Variants in NELL1 observed in about 807,000 individuals in gnomAD.
The protein encoded by NELL1 is neural EGFL like 1, also known as protein kinase C-binding protein NELL1.
In NELL1, 76 loss-of-function variants were observed where a neutral mutation model predicts 107.4. The observed-to-expected ratio is 0.71, with a 90% CI of 0.59 to 0.86. The LOEUF is 0.86. Among genes scored for constraint, NELL1 ranks in the 40% least tolerant of loss-of-function variants. The pLI is 0.00. For missense variants in NELL1, 1,024 were observed against 1,005.5 expected (o/e 1.02, Z -0.25); for synonymous variants, 353 against 341.2 (o/e 1.03, Z -0.38).
chr11:21,098,506 T>C (rs1311857019), intron 12 of NELL1, among the ~76,000 whole-genome samples: 1 of 152,048 alleles, frequency 6.6e-6, no homozygotes, highest in African/African-American at 2.4e-5. Flanking sequence ...GTAAACACTC[T>C]CACCCTCAGA....
intron 15 of NELL1, among the ~76,000 whole-genome samples, chr11:21,457,533 C>T (rs1374173419): frequency 6.6e-6 from 1 of 152,058 alleles, no homozygotes; most frequent in East Asian, 1.9e-4. Context: ...GTGCTCTTCA[C>T]CAAAATTGTC....
chr11:21,176,306 A>G (rs763189391), intron 13 of NELL1, among the ~76,000 whole-genome samples: 1 of 151,868 alleles, frequency 6.6e-6, no homozygotes, highest in Non-Finnish European at 1.5e-5. Flanking sequence ...TGTCTCTCCA[A>G]TGAAGAGAGC....
chr11:21,030,408 G>A (rs1852924114), intron 12 of NELL1, among the ~76,000 whole-genome samples: 1 of 152,132 alleles, frequency 6.6e-6, no homozygotes, highest in African/African-American at 2.4e-5. Context: ...CCTTCCTTGG[G>A]CAGCCTTTTT....
At chr11:21,564,932 C>G (rs190989290) in intron 17 of NELL1, among the ~76,000 whole-genome samples, 1 of 151,986 alleles carries the variant, frequency 6.6e-6, no homozygotes, top group African/African-American at 2.4e-5. Flanking sequence ...ACTCATGTAT[C>G]TCTTTCTGGC....
intron 5 of NELL1, among the ~76,000 whole-genome samples, chr11:20,908,543 T>C (rs934498747): frequency 3.3e-5 from 5 of 151,976 alleles, no homozygotes; most frequent in Admixed American, 2.0e-4. Context: ...CATCACACAC[T>C]GGGGCCTGTT....
chr11:21,125,765 G>T (rs199540038), intron 13 of NELL1, among the ~76,000 whole-genome samples: 1 of 152,162 alleles, frequency 6.6e-6, no homozygotes, highest in Non-Finnish European at 1.5e-5. Context: ...AATTGTGCCT[G>T]TTGCTTGAGA....
intron 2 of NELL1, among the ~76,000 whole-genome samples, chr11:20,721,998 A>G (rs894055188): frequency 4.1e-5 from 6 of 147,582 alleles, no homozygotes; most frequent in African/African-American, 1.5e-4. Context: ...TTGTCATGTT[A>G]CTTGACCTTT....
At chr11:21,484,437 T>C (rs1417617521) in intron 15 of NELL1, among the ~76,000 whole-genome samples, 1 of 151,986 alleles carries the variant, frequency 6.6e-6, no homozygotes, top group East Asian at 1.9e-4. Context: ...TTTTTCTCCT[T>C]ACCTCTCCCC....
At chr11:20,761,453 C>T (rs1197486683) in intron 2 of NELL1, among the ~76,000 whole-genome samples, 2 of 152,210 alleles carry the variant, frequency 1.3e-5, no homozygotes, top group Non-Finnish European at 2.9e-5. Context: ...GAAAATACAA[C>T]ATACGCTTCA....
intron 15 of NELL1, among the ~76,000 whole-genome samples, chr11:21,518,774 T>C (rs1262924530): frequency 6.6e-6 from 1 of 152,208 alleles, no homozygotes; most frequent in South Asian, 2.1e-4. Context: ...AAACTTAGAA[T>C]ACCATGTAAC....
At chr11:21,489,408 A>AAAAAAAAAAAAAAAAAAAAAAAAG (rs1854739951) in intron 15 of NELL1, among the ~76,000 whole-genome samples, 1 of 130,368 alleles carries the variant, frequency 7.7e-6, no homozygotes, top group Non-Finnish European at 1.6e-5. Context: ...AAAAAAAAAA[A>AAAAAAAAAAAAAAAAAAAAAAAAG]CAGAAGAAAA....
intron 14 of NELL1, among the ~76,000 whole-genome samples, chr11:21,369,373 T>A: frequency 6.6e-6 from 1 of 150,586 alleles, no homozygotes; most frequent in Non-Finnish European, 1.5e-5. Flanking sequence ...TTTTTTTTTT[T>A]TTTTTTTTTG....
chr11:21,090,764 C>T (rs1377989087), intron 12 of NELL1, among the ~76,000 whole-genome samples: 1 of 152,130 alleles, frequency 6.6e-6, no homozygotes, highest in South Asian at 2.1e-4. Context: ...GAGGCAAAAC[C>T]TCCAGCTCCT....
chr11:21,279,034 G>T (rs1421020065), intron 14 of NELL1, among the ~76,000 whole-genome samples: 1 of 152,130 alleles, frequency 6.6e-6, no homozygotes, highest in East Asian at 1.9e-4. Context: ...AAGGAAAATT[G>T]TCATCTCAGC....
At chr11:21,355,227 A>T (rs1369167887) in intron 14 of NELL1, among the ~76,000 whole-genome samples, 1 of 152,168 alleles carries the variant, frequency 6.6e-6, no homozygotes, top group Non-Finnish European at 1.5e-5. Flanking sequence ...AAGCTCTCAA[A>T]GTCTGACACT....
At chr11:20,703,020 G>A (rs774382097) in intron 2 of NELL1, among the ~76,000 whole-genome samples, 5 of 152,102 alleles carry the variant, frequency 3.3e-5, no homozygotes, top group Non-Finnish European at 5.9e-5. Flanking sequence ...GCCTTATAAA[G>A]TGAGTTAGGG....
rs530652323 is a variant in NELL1 at position 21,045,155 on chromosome 11, A to G, written c.1301-68434A>G. Among the ~76,000 whole-genome samples, 4 of 152,304 alleles carry G rather than the reference A, an allele frequency of 2.6e-5. No individual in the cohort carries two copies. In the South Asian group the frequency reaches 8.3e-4, roughly 32 times the overall value. The stretch of plus-strand genomic sequence containing the variant: ...AAAGTAAATAGATTAACGGATTGGT[A>G]TCCTCTATGAGTGAGAAATGTGGCA... On this transcript the variant is annotated intron_variant, in intron 12 of 19. Coordinates refer to ENST00000357134, the MANE Select transcript of NELL1 (RefSeq NM_006157.5).
At chr11:21,195,861 A>G (rs1857141266) in intron 13 of NELL1, among the ~76,000 whole-genome samples, 1 of 152,196 alleles carries the variant, frequency 6.6e-6, no homozygotes, top group African/African-American at 2.4e-5. Context: ...AAGGGCTGGT[A>G]ATTGCCTCAA....
At chr11:21,192,815 G>A (rs1371429539) in intron 13 of NELL1, among the ~76,000 whole-genome samples, 1 of 151,842 alleles carries the variant, frequency 6.6e-6, no homozygotes, top group African/African-American at 2.4e-5. Flanking sequence ...GTCAATAGAG[G>A]TCACACTGGA....
Sources: allele counts gnomAD v4.1 joint callset (sites outside exome capture counted in the v4.1 genomes callset), GRCh38; gene constraint gnomAD v4.1.1; transcripts MANE v1.5; gene names NCBI Gene and HGNC (gene_info 2026-07-23, HGNC 2026-07-21).